LRBA: variants seen among roughly 807,000 people sequenced by gnomAD.
LRBA encodes the protein lipopolysaccharide-responsive and beige-like anchor protein.
In LRBA, 176 loss-of-function variants were observed where a neutral mutation model predicts 330.0. The ratio of observed to expected loss-of-function variants is 0.53; its 90% CI spans 0.47 to 0.60. The LOEUF is 0.60. LRBA is among the 20% of genes least tolerant of loss of function. The pLI is 0.00. For synonymous variants in LRBA, 1,230 were observed against 1,193.0 expected (o/e 1.03, Z -0.64); for missense variants, 3,259 against 3,444.8 (o/e 0.95, Z 1.35).
chr4:151,008,843 C>T (rs1744432598), intron 2 of LRBA, among the ~76,000 whole-genome samples: 1 of 150,278 alleles, frequency 6.7e-6, no homozygotes, highest in Non-Finnish European at 1.5e-5. Context: ...CTTGCTGGTG[C>T]ATCCCTGTAA....
At chr4:150,793,633 G>C (rs900592300) in intron 34 of LRBA, among the ~76,000 whole-genome samples, 1 of 152,122 alleles carries the variant, frequency 6.6e-6, no homozygotes. Flanking sequence ...TTGTCTTCAA[G>C]AAATTTGCAG....
At chr4:150,843,145 T>C (rs1272574364) in intron 28 of LRBA, among the ~76,000 whole-genome samples, 1 of 152,160 alleles carries the variant, frequency 6.6e-6, no homozygotes, top group African/African-American at 2.4e-5. Context: ...AGGTCAGTGG[T>C]CTGGGGGTTG....
intron 37 of LRBA, among the ~76,000 whole-genome samples, chr4:150,646,657 A>G (rs900596868): frequency 1.3e-5 from 2 of 152,148 alleles, no homozygotes; most frequent in East Asian, 1.9e-4. Flanking sequence ...ACATTATGCT[A>G]TCTTGAAGCA....
intron 51 of LRBA, among the ~76,000 whole-genome samples, chr4:150,313,966 T>C (rs1175355138): frequency 6.6e-6 from 1 of 151,844 alleles, no homozygotes; most frequent in African/African-American, 2.4e-5. Context: ...GTGTGGAATT[T>C]TCCACTTGTC....
At chr4:150,895,557 G>C (rs536676688) in intron 16 of LRBA, among the ~76,000 whole-genome samples, 5 of 152,230 alleles carry the variant, frequency 3.3e-5, no homozygotes, top group Admixed American at 3.3e-4. Context: ...CCTTGCAATA[G>C]TTTGCTGAGA....
At chr4:150,550,657 A>G (rs1766469652) in intron 40 of LRBA, among the ~76,000 whole-genome samples, 1 of 152,202 alleles carries the variant, frequency 6.6e-6, no homozygotes, top group Admixed American at 6.5e-5. Flanking sequence ...AAGTTTCTAC[A>G]CACAGTGGTT....
chr4:150,472,972 T>C (rs1218827375), intron 42 of LRBA, among the ~76,000 whole-genome samples: 1 of 152,114 alleles, frequency 6.6e-6, no homozygotes, highest in Non-Finnish European at 1.5e-5. Context: ...TGAAAATATG[T>C]TTTGATTTCT....
At chr4:150,408,958 T>C (rs1746576366) in intron 47 of LRBA, among the ~76,000 whole-genome samples, 1 of 152,046 alleles carries the variant, frequency 6.6e-6, no homozygotes, top group Admixed American at 6.6e-5. Context: ...ATATATCTGC[T>C]ATAGGTTGAA....
chr4:150,687,212 T>C (rs988405549), intron 36 of LRBA, among the ~76,000 whole-genome samples: 5 of 152,148 alleles, frequency 3.3e-5, no homozygotes, highest in Non-Finnish European at 7.4e-5. Flanking sequence ...TAAAAACCAA[T>C]AATAAATCCT....
chr4:150,314,376 A>T (rs1731456294), intron 51 of LRBA, among the ~76,000 whole-genome samples: 1 of 152,114 alleles, frequency 6.6e-6, no homozygotes, highest in Non-Finnish European at 1.5e-5. Flanking sequence ...ATTACGTATT[A>T]GATTTCTGAT....
At chr4:150,670,788 C>G (rs1015489300) in intron 37 of LRBA, among the ~76,000 whole-genome samples, 1 of 152,178 alleles carries the variant, frequency 6.6e-6, no homozygotes, top group Non-Finnish European at 1.5e-5. Flanking sequence ...AGGATTCATT[C>G]TAGAGTTTCC....
intron 53 of LRBA, among the ~76,000 whole-genome samples, chr4:150,301,219 G>A (rs1729635761): frequency 6.6e-6 from 1 of 151,808 alleles, no homozygotes; most frequent in Admixed American, 6.6e-5. Context: ...AAAAGAACAT[G>A]GTACTTTTCA....
At chr4:150,674,801 G>T (rs886887588) in intron 37 of LRBA, among the ~76,000 whole-genome samples, 3 of 152,164 alleles carry the variant, frequency 2.0e-5, no homozygotes, top group African/African-American at 7.2e-5. Flanking sequence ...CTTGAGCCCT[G>T]GAGGTCAGGG....
At chr4:150,973,719 A>C (rs1237640511) in intron 2 of LRBA, among the ~76,000 whole-genome samples, 1 of 152,184 alleles carries the variant, frequency 6.6e-6, no homozygotes, top group Non-Finnish European at 1.5e-5. Flanking sequence ...ATGACCAGAC[A>C]TGGTGGCTTG....
At chr4:150,807,880 C>T (rs1273916783) in intron 32 of LRBA, among the ~76,000 whole-genome samples, 4 of 152,100 alleles carry the variant, frequency 2.6e-5, no homozygotes, top group Admixed American at 1.3e-4. Flanking sequence ...GAACTCCTGA[C>T]TTCAAGTAAT....
chr4:150,767,005 C>G (rs894373780), intron 34 of LRBA, among the ~76,000 whole-genome samples: 2 of 152,028 alleles, frequency 1.3e-5, no homozygotes, highest in Admixed American at 1.3e-4. Flanking sequence ...ACAACAAAAA[C>G]AGTGAAGATA....
Position 150,852,949 on chromosome 4 carries a change from T to C in LRBA, c.2767-6A>G, listed in dbSNP as rs773528305. On this transcript the variant is annotated splice_polypyrimidine_tract_variant and splice_region_variant and intron_variant, in intron 22 of 56. Transcript: ENST00000651943. The stretch of plus-strand genomic sequence containing the variant: ...TTGTGTATTTCAAAAGTGACCTAGG[T>C]GAAAAATGTACAATCAGTTAAAATA... 9.1e-6 allele frequency: 14 copies of C among 1,532,488 alleles called. No homozygotes were observed. Among genetic ancestry groups the C allele is most frequent in the Non-Finnish European group, 1.2e-5 (14 of 1,140,666 alleles). 94.9% of individuals were successfully genotyped at this position (1,532,488 alleles called of 1,614,324 possible).
intron 40 of LRBA, among the ~76,000 whole-genome samples, chr4:150,498,378 TTAA>T (rs1230775674): frequency 6.6e-6 from 1 of 152,174 alleles, no homozygotes; most frequent in Non-Finnish European, 1.5e-5. Context: ...AATATCAATC[TTAA>T]TGAGTCAAAA....
chr4:150,860,248 G>A lies in LRBA; in HGVS notation c.2767-7305C>T, dbSNP rs898733143. 2.0e-5 allele frequency among the ~76,000 whole-genome samples: 3 copies of A among 152,144 alleles called. No individual in the cohort carries two copies. In the South Asian group the frequency reaches 6.2e-4, roughly 31 times the overall value. On this transcript the variant is annotated intron_variant, in intron 22 of 56. Coordinates refer to ENST00000651943, the MANE Select transcript of LRBA (RefSeq NM_001364905.1). ...ACACTAAAATAAAAGGTGAACAAAT[G>A]TAAGAACCAACTTACAACTTTAAAC...
Sources: gnomAD v4.1 joint callset for allele counts (sites outside exome capture counted in the v4.1 genomes callset) on GRCh38, gnomAD v4.1.1 for gene constraint, MANE v1.5 for transcripts, NCBI Gene and HGNC (gene_info 2026-07-23, HGNC 2026-07-21) for gene names.